Variants in TLR6 observed in about 807,000 individuals in gnomAD.
TLR6 encodes toll like receptor 6.
Under a neutral mutation model 16.1 loss-of-function variants are expected in TLR6, and 9 were observed. The observed-to-expected ratio is 0.56, with a 90% confidence interval of 0.34 to 0.98. TLR6 has a LOEUF of 0.98. Among genes scored for constraint, TLR6 ranks in the 50% least tolerant of loss-of-function variants. The probability of loss-of-function intolerance (pLI) is 0.02; values close to 1 mark genes in which losing one functional copy is unlikely to be tolerated. For missense variants in TLR6, 786 were observed against 921.0 expected, an observed-to-expected ratio of 0.85 and a Z score of 1.90; for synonymous variants, 340 against 338.6, an observed-to-expected ratio of 1.00 and a Z score of -0.04.
chr4:38,858,759 GA>G (rs1399751786), upstream of TLR6, among the ~76,000 whole-genome samples: 167 of 21,680 alleles, frequency 7.7e-3, 3 homozygotes, highest in African/African-American at 0.063. Context: ...GAGAGAGAGG[GA>G]GAGAGAGAGA....
intron 1 of TLR6, among the ~76,000 whole-genome samples, chr4:38,839,714 T>C (rs1579250446): frequency 6.6e-6 from 1 of 152,246 alleles, no homozygotes; most frequent in Non-Finnish European, 1.5e-5. Context: ...GTCAGCTGTG[T>C]ACCAGCCAAC....
At chr4:38,850,351 C>G (rs1312781129) in intron 1 of TLR6, among the ~76,000 whole-genome samples, 1 of 152,202 alleles carries the variant, frequency 6.6e-6, no homozygotes, top group East Asian at 1.9e-4. Flanking sequence ...TATTGAAAAG[C>G]TAGCAGAAGG....
chr4:38,829,403 G>T, exon 2 of TLR6: 1 of 1,614,042 alleles, frequency 6.2e-7, no homozygotes, highest in Non-Finnish European at 8.5e-7. Context: ...CTGGATTCTG[G>T]TTCCAACTAT....
chr4:38,828,277 C>T (rs750935763), exon 2 of TLR6: 15 of 1,613,582 alleles, frequency 9.3e-6, no homozygotes, highest in African/African-American at 4.0e-5. Flanking sequence ...GCATATCCTT[C>T]GTCATGAGAC....
chr4:38,833,935 C>G (rs1009813249), intron 1 of TLR6, among the ~76,000 whole-genome samples: 1 of 151,672 alleles, frequency 6.6e-6, no homozygotes, highest in Non-Finnish European at 1.5e-5. Context: ...CTTGTACAAA[C>G]AATAGACTAG....
exon 2 of TLR6, chr4:38,828,878 A>C (rs1181449997): frequency 6.2e-7 from 1 of 1,613,202 alleles, no homozygotes; most frequent in East Asian, 2.2e-5. Flanking sequence ...AACAAGGTGA[A>C]GGGTTTTTGC....
At chr4:38,852,250 A>C (rs1341626813) in intron 1 of TLR6, among the ~76,000 whole-genome samples, 1 of 152,232 alleles carries the variant, frequency 6.6e-6, no homozygotes, top group African/African-American at 2.4e-5. Flanking sequence ...TAAAGACTTA[A>C]ATGTTAGACT....
upstream of TLR6, among the ~76,000 whole-genome samples, chr4:38,858,894 A>G (rs978064045): frequency 4.0e-5 from 6 of 150,058 alleles, no homozygotes; most frequent in Admixed American, 4.0e-4. Context: ...AAAGAGAGAA[A>G]GAAAGAAAGA....
exon 2 of TLR6, chr4:38,827,699 C>T (rs75244616): frequency 6.2e-7 from 1 of 1,613,966 alleles, no homozygotes; most frequent in Non-Finnish European, 8.5e-7. Flanking sequence ...CATGGTGGCA[C>T]CGATGGTGAC....
Position 38,842,175 on chromosome 4 carries a change from G to A in TLR6, c.-64-12638C>T, listed in dbSNP as rs571593152. 7.9e-5 allele frequency among the ~76,000 whole-genome samples: 12 copies of A among 152,278 alleles called. No individual in the cohort carries two copies. In the South Asian group the frequency reaches 1.5e-3, roughly 18 times the overall value. ...GGAAGGGGAGGAAGGTGGTTGGCAG[G>A]ACATTGAGGCCTGGCCAGGAGGTGG... On this transcript the variant is annotated intron_variant, in intron 1 of 1. Transcript: ENST00000436693.
intron 1 of TLR6, among the ~76,000 whole-genome samples, chr4:38,845,037 T>C (rs746062313): frequency 4.6e-4 from 70 of 152,158 alleles, no homozygotes; most frequent in Non-Finnish European, 6.6e-4. Context: ...CCAGCCTGGG[T>C]GACAAAACCA....
chr4:38,823,136 C>T (rs1461295144), downstream of TLR6, among the ~76,000 whole-genome samples: 2 of 152,210 alleles, frequency 1.3e-5, no homozygotes, highest in Non-Finnish European at 2.9e-5. Flanking sequence ...CACTGGGTCC[C>T]TCCCACAACA....
At chr4:38,832,744 C>T (rs1711676039) in intron 1 of TLR6, among the ~76,000 whole-genome samples, 1 of 152,132 alleles carries the variant, frequency 6.6e-6, no homozygotes, top group African/African-American at 2.4e-5. Context: ...CTAAGATCAG[C>T]AGTGCAGCTA....
At chr4:38,829,411 T>C in exon 2 of TLR6, 2 of 1,614,100 alleles carry the variant, frequency 1.2e-6, no homozygotes, top group Non-Finnish European at 1.7e-6. Context: ...TGGTTCCAAC[T>C]ATTATGATCA....
At chr4:38,858,758 GGAGA>G (rs143473786), upstream of TLR6, among the ~76,000 whole-genome samples, 13 of 52,808 alleles carry the variant, frequency 2.5e-4, 1 homozygote, top group South Asian at 5.8e-4. Context: ...AGAGAGAGAG[GGAGA>G]GAGAGAGAGA....
rs577585714 is a variant in TLR6 at position 38,853,033 on chromosome 4, A to G, written c.-65+3728T>C. ...TAAGAAAATGTGGCACATATACACC[A>G]TGGAATACTATGCAGCCATAAAAAA... On this transcript the variant is annotated intron_variant, in intron 1 of 1. Coordinates refer to ENST00000436693, the Ensembl canonical transcript of TLR6. Among the ~76,000 whole-genome samples, 613 of 148,024 alleles carry G rather than the reference A, an allele frequency of 4.1e-3. 6 individuals are homozygous for G. The highest frequency in any genetic ancestry group is 0.015 in the African/African-American group (592 of 40,722).
At chr4:38,829,120 A>T in exon 2 of TLR6, 2 of 1,614,130 alleles carry the variant, frequency 1.2e-6, no homozygotes, top group Non-Finnish European at 1.7e-6. Context: ...TCACAATAGG[A>T]TGGCAGGATA....
intron 1 of TLR6, among the ~76,000 whole-genome samples, chr4:38,844,680 CTTAAA>C (rs1044536276): frequency 2.0e-5 from 3 of 152,150 alleles, no homozygotes; most frequent in African/African-American, 7.2e-5. Context: ...ATACATACAT[CTTAAA>C]TTAAGTATCC....
chr4:38,827,724 T>C (rs1727614906), exon 2 of TLR6: 2 of 1,614,258 alleles, frequency 1.2e-6, no homozygotes, highest in East Asian at 4.5e-5. Context: ...AGCAGAGTTA[T>C]GTTGCAGGAT....
Sources: allele counts gnomAD v4.1 joint callset (sites outside exome capture counted in the v4.1 genomes callset), GRCh38; gene constraint gnomAD v4.1.1; transcripts MANE v1.5; gene names NCBI Gene and HGNC (gene_info 2026-07-23, HGNC 2026-07-21).